Variants in ZFHX3 observed in about 807,000 individuals in gnomAD.
The protein encoded by ZFHX3 is zinc finger homeobox 3.
In ZFHX3, 42 loss-of-function variants were observed where a neutral mutation model predicts 279.1. The ratio of observed to expected loss-of-function variants is 0.15; its 90% CI spans 0.12 to 0.19. The LOEUF (loss-of-function observed/expected upper bound fraction) is 0.19, where lower values mean the gene tolerates loss of function less well. Ranked by LOEUF, ZFHX3 falls within the 10% of genes least tolerant of loss-of-function variation. ZFHX3 has a pLI of 1.00. For synonymous variants in ZFHX3, 2,293 were observed against 1,957.8 expected, an observed-to-expected ratio of 1.17 and a Z score of -4.52; for missense variants, 4,981 against 4,754.0, an observed-to-expected ratio of 1.05 and a Z score of -1.40.
At chr16:72,871,023 CT>C (rs1168034674) in intron 4 of ZFHX3, among the ~76,000 whole-genome samples, 1 of 152,040 alleles carries the variant, frequency 6.6e-6, no homozygotes, top group Non-Finnish European at 1.5e-5. Flanking sequence ...TATTCTCCGT[CT>C]TTATGGAGAG....
chr16:73,763,085 C>A (rs566810627), intron 1 of ZFHX3, among the ~76,000 whole-genome samples: 1 of 152,192 alleles, frequency 6.6e-6, no homozygotes, highest in Admixed American at 6.5e-5. Flanking sequence ...TTTACCTTGT[C>A]TCAAGTTCTC....
chr16:73,557,826 T>C (rs825690), intron 2 of ZFHX3, among the ~76,000 whole-genome samples: 90,840 of 151,956 alleles, frequency 0.6, 27,816 homozygotes, highest in African/African-American at 0.69. Flanking sequence ...CCTCATTTTA[T>C]CCAGCCCCTA....
At chr16:73,680,223 T>C (rs2052996290) in exon 2 of ZFHX3, 1 of 151,798 alleles carries the variant, frequency 6.6e-6, no homozygotes, top group Admixed American at 6.6e-5. Context: ...GGTTTCAGAA[T>C]TCAAAAAGTC....
At chr16:72,997,212 A>G (rs1391384333) in intron 1 of ZFHX3, among the ~76,000 whole-genome samples, 2 of 152,180 alleles carry the variant, frequency 1.3e-5, no homozygotes, top group Non-Finnish European at 2.9e-5. Flanking sequence ...TGGCGGGGTA[A>G]GATCTGTCTT....
chr16:73,183,169 C>A (rs1460118465), intron 5 of ZFHX3, among the ~76,000 whole-genome samples: 1 of 152,172 alleles, frequency 6.6e-6, no homozygotes, highest in South Asian at 2.1e-4. Flanking sequence ...CGTGCCACTG[C>A]ACTCCAGCCT....
At chr16:72,942,062 G>A (rs1238398506) in intron 3 of ZFHX3, among the ~76,000 whole-genome samples, 1 of 152,106 alleles carries the variant, frequency 6.6e-6, no homozygotes. Flanking sequence ...GCCTTTTCCT[G>A]ACTATGTTCC....
At chr16:73,021,497 A>G (rs1283179786) in intron 1 of ZFHX3, among the ~76,000 whole-genome samples, 1 of 152,162 alleles carries the variant, frequency 6.6e-6, no homozygotes, top group Non-Finnish European at 1.5e-5. Context: ...GAAGTAATTT[A>G]TAACTAAATT....
At chr16:72,986,937 G>A (rs1011843676) in intron 1 of ZFHX3, among the ~76,000 whole-genome samples, 3 of 152,132 alleles carry the variant, frequency 2.0e-5, no homozygotes, top group Non-Finnish European at 4.4e-5. Context: ...CTTGAGCCCA[G>A]GAGTTTGAGA....
At chr16:73,109,848 CAAAACA>C (rs56066135) in intron 7 of ZFHX3, among the ~76,000 whole-genome samples, 80,213 of 149,776 alleles carry the variant, frequency 0.54, 21,562 homozygotes, top group Admixed American at 0.6. Context: ...GACTTGGTCT[CAAAACA>C]AAAACAAAAA....
At chr16:72,967,797 G>A (rs1437900327) in intron 1 of ZFHX3, among the ~76,000 whole-genome samples, 29 of 151,250 alleles carry the variant, frequency 1.9e-4, no homozygotes, top group Middle Eastern at 3.4e-3. Flanking sequence ...GCGTGGTGGC[G>A]GGCGCCTGTA....
At chr16:73,441,396 ATG>A (rs1018527456) in intron 3 of ZFHX3, among the ~76,000 whole-genome samples, 4 of 152,130 alleles carry the variant, frequency 2.6e-5, no homozygotes, top group African/African-American at 9.7e-5. Context: ...TCATTTTTGC[ATG>A]TGTCTTTGAA....
intron 1 of ZFHX3, among the ~76,000 whole-genome samples, chr16:73,750,139 A>G (rs1456879051): frequency 1.3e-5 from 2 of 152,192 alleles, no homozygotes; most frequent in East Asian, 1.9e-4. Flanking sequence ...ATAGGGAGAA[A>G]GAAACCAAGG....
chr16:73,172,988 G>GTTTTTTT (rs1296855983), intron 5 of ZFHX3, among the ~76,000 whole-genome samples: 1 of 46,170 alleles, frequency 2.2e-5, no homozygotes, highest in African/African-American at 1.2e-4. Context: ...TGATGGGACT[G>GTTTTTTT]TTTTTTTGTT....
At chr16:73,164,520 G>T (rs2144859399) in intron 5 of ZFHX3, among the ~76,000 whole-genome samples, 1 of 152,080 alleles carries the variant, frequency 6.6e-6, no homozygotes, top group African/African-American at 2.4e-5. Flanking sequence ...ACCAACATGG[G>T]GATATCCTGT....
intron 8 of ZFHX3, among the ~76,000 whole-genome samples, chr16:73,078,639 C>A (rs1210437201): frequency 6.6e-6 from 1 of 152,002 alleles, no homozygotes; most frequent in African/African-American, 2.4e-5. Flanking sequence ...CCGCGCCTGG[C>A]CACTAAAGAA....
chr16:72,821,182 C>G (rs916126621), intron 5 of ZFHX3, among the ~76,000 whole-genome samples: 1 of 152,164 alleles, frequency 6.6e-6, no homozygotes, highest in African/African-American at 2.4e-5. Flanking sequence ...CTGGCCTTCC[C>G]TCATGATCCA....
chr16:73,588,709 A>C lies in ZFHX3; in HGVS notation c.-1547+91471T>G, dbSNP rs369147568. On this transcript the variant is annotated intron_variant, in intron 2 of 17. Coordinates refer to the ZFHX3 transcript ENST00000641206. Reference sequence around the variant, plus strand: ...GGTCTCAAAAACAAAAAACAAAACAAAAAAAAAAAAAACAAGAAAACAAGA... The same window carrying C: ...GGTCTCAAAAACAAAAAACAAAACACAAAAAAAAAAAACAAGAAAACAAGA... Among the ~76,000 whole-genome samples the C allele has an allele frequency of 6.8e-3, 864 of 126,250 alleles. 5 individuals carry two copies. The highest frequency in any genetic ancestry group is 0.016 in the Middle Eastern group (4 of 246). The allele number at this position is 126,250 out of a possible 152,430, so 82.8% of individuals were successfully genotyped here.
rs565122159 is a variant in ZFHX3, at chr16:73,322,205, C to T, written c.-1290-3869G>A. On this transcript the variant is annotated intron_variant, in intron 3 of 17. Transcript: ENST00000641206. ...GGTCTGCATAATGAAGGCATGGGGG[C>T]GTGGGGGAGCCCAGAGGCAGATGAA... Among the ~76,000 whole-genome samples, 7 of 151,712 alleles carry T rather than the reference C, an allele frequency of 4.6e-5. No individual in the cohort carries two copies. In the East Asian group the frequency reaches 1.4e-3, roughly 29 times the overall value.
At chr16:73,307,873 T>C (rs891484193) in intron 4 of ZFHX3, among the ~76,000 whole-genome samples, 7 of 152,116 alleles carry the variant, frequency 4.6e-5, no homozygotes, top group African/African-American at 7.2e-5. Flanking sequence ...CATTTGGAAA[T>C]GGGCACCAGG....
Sources: allele counts gnomAD v4.1 joint callset (sites outside exome capture counted in the v4.1 genomes callset), GRCh38; gene constraint gnomAD v4.1.1; transcripts MANE v1.5; gene names NCBI Gene and HGNC (gene_info 2026-07-23, HGNC 2026-07-21).